NFRKB: variants seen among roughly 807,000 people sequenced by gnomAD.
NFRKB encodes nuclear factor related to kappaB binding protein, also known as nuclear factor related to kappa-B-binding protein.
NFRKB carries 62 observed loss-of-function variants against 135.7 expected under a neutral mutation model. The ratio of observed to expected loss-of-function variants is 0.46; its 90% CI spans 0.37 to 0.56. The LOEUF (loss-of-function observed/expected upper bound fraction) is 0.56, where lower values mean the gene tolerates loss of function less well. Ranked by LOEUF, NFRKB falls within the 20% of genes least tolerant of loss-of-function variation. The probability of loss-of-function intolerance (pLI) is 0.00; values close to 1 mark genes in which losing one functional copy is unlikely to be tolerated. For synonymous variants in NFRKB, 678 were observed against 635.6 expected, an observed-to-expected ratio of 1.07 and a Z score of -1.00; for missense variants, 1,545 against 1,662.0, an observed-to-expected ratio of 0.93 and a Z score of 1.22.
At chr11:129,886,055 C>A (rs1402590240) in intron 5 of NFRKB, among the ~76,000 whole-genome samples, 13 of 152,166 alleles carry the variant, frequency 8.5e-5, no homozygotes, top group Non-Finnish European at 5.9e-5. Context: ...GATCCAAAAT[C>A]CATCTGTTTA....
chr11:129,875,745 C>T (rs1591495722), intron 17 of NFRKB, among the ~76,000 whole-genome samples: 2 of 151,488 alleles, frequency 1.3e-5, no homozygotes, highest in East Asian at 1.9e-4. Flanking sequence ...CAACCTCCAC[C>T]TCCCAGGTTC....
chr11:129,878,601 C>A, intron 13 of NFRKB, 58 bp from the exon 14 acceptor site: 1 of 1,382,098 alleles, frequency 7.2e-7, no homozygotes, highest in South Asian at 1.2e-5. Context: ...ATTGAGAATC[C>A]TGCTTTCTCT....
chr11:129,879,471 G>A (rs371799597), intron 13 of NFRKB, among the ~76,000 whole-genome samples: 7 of 152,094 alleles, frequency 4.6e-5, no homozygotes, highest in Admixed American at 3.9e-4. Flanking sequence ...CGCCTCCACC[G>A]TTCCACTAGA....
rs896709789 is a variant in NFRKB at position 129,864,001 on chromosome 11, T to TG, written c.*723dup. 95 of 151,732 alleles carry TG rather than the reference T, an allele frequency of 6.3e-4. No homozygotes were observed. The highest frequency in any genetic ancestry group is 4.5e-3 in the East Asian group (23 of 5,152). The allele number at this position is 151,732 out of a possible 1,614,324, so 9.4% of individuals were successfully genotyped here. On this transcript the variant is annotated 3_prime_UTR_variant, in exon 27 of 27. Transcript: ENST00000682444. ...GAAGGACAAAGTGGGCAGGTAAAGC[T>TG]GGGGGGGGCGGCCACAATCAAGATC... is the stretch of plus-strand genomic sequence containing the variant.
chr11:129,865,530 C>T (rs1441994248), intron 25 of NFRKB, among the ~76,000 whole-genome samples: 1 of 152,210 alleles, frequency 6.6e-6, no homozygotes, highest in Non-Finnish European at 1.5e-5. Flanking sequence ...AGGTTCAGAG[C>T]TCAAATGTCA....
chr11:129,879,086 T>C (rs1319320527), intron 13 of NFRKB, among the ~76,000 whole-genome samples: 1 of 152,156 alleles, frequency 6.6e-6, no homozygotes, highest in Non-Finnish European at 1.5e-5. Context: ...CTGTGCCCTC[T>C]TCTCAGGTCA....
Position 129,875,523 on chromosome 11 carries a change from T to C in NFRKB, c.1748-60A>G, listed in dbSNP as rs78316279. 11,715 of 1,348,446 alleles carry C rather than the reference T, an allele frequency of 8.7e-3. 764 individuals carry two copies. In the African/African-American group the frequency reaches 0.15, roughly 17 times the overall value. 83.5% of individuals were successfully genotyped at this position (1,348,446 alleles called of 1,614,324 possible). Reference sequence around the variant, plus strand: ...AGGCAGGGTTCCTACGGAGGTACAATCTCCTGTACCTGCAGTGATGGGCAA... The same window carrying C: ...AGGCAGGGTTCCTACGGAGGTACAACCTCCTGTACCTGCAGTGATGGGCAA... On this transcript the variant is annotated intron_variant, in intron 17 of 26. Coordinates refer to ENST00000682444, the MANE Select transcript of NFRKB (RefSeq NM_001143835.2).
chr11:129,866,573 TAAC>T, intron 24 of NFRKB, among the ~76,000 whole-genome samples: 1 of 151,578 alleles, frequency 6.6e-6, no homozygotes, highest in South Asian at 2.1e-4. Context: ...TAGGGGACAC[TAAC>T]AATAAACTCA....
Position 129,869,541 on chromosome 11 carries a change from C to A in NFRKB, c.3484G>T (p.Val1162Leu). 4 of 1,613,666 alleles carry A rather than the reference C, an allele frequency of 2.5e-6. No individual in the cohort carries two copies. Among genetic ancestry groups the A allele is most frequent in the East Asian group, 4.5e-5 (2 of 44,888 alleles). The part of the protein sequence containing the change: ...PISISTGAPT[V>L]RQVPVSTTVV... ...GTGGTGCTGACAGGGACCTGCCGCA[C>A]GGTGGGGGCTCCTGTGCTGATGCTG... Residue 1162 changes from valine to leucine, a missense_variant, in exon 24 of 27, where the codon GTG becomes TTG. Physicochemically the swap from Val to Leu is conservative, Grantham distance 32 (BLOSUM62 1). Around this residue, in one of 3 missense-constraint regions of NFRKB, gnomAD observed 753 missense variants for 804.3 expected, o/e 0.94. Transcript: ENST00000682444.
chr11:129,878,010 T>C (rs144240607), intron 15 of NFRKB, among the ~76,000 whole-genome samples: 1 of 152,148 alleles, frequency 6.6e-6, no homozygotes, highest in Non-Finnish European at 1.5e-5. Context: ...ATGGCCTAGA[T>C]GAATAATTCT....
chr11:129,881,023 C>A (rs1949001709), intron 13 of NFRKB, among the ~76,000 whole-genome samples: 1 of 152,210 alleles, frequency 6.6e-6, no homozygotes, highest in Admixed American at 6.5e-5. Flanking sequence ...TTAAAAATAA[C>A]AACCCTGTTC....
chr11:129,882,307 AAT>A lies in NFRKB; in HGVS notation c.1083-115_1083-114del, dbSNP rs1285039256. ...AAAAGAGTTCAAGAAAGGAGCAAAC[AAT>A]ATATTTTCCCAGCAGTATCCCTGGG... On this transcript the variant is annotated intron_variant, in intron 10 of 26. Transcript: ENST00000682444. The A allele has an allele frequency of 6.7e-6, 9 of 1,341,306 alleles. No individual in the cohort carries two copies. In the East Asian group the frequency reaches 1.8e-4, roughly 27 times the overall value. The allele number at this position is 1,341,306 out of a possible 1,614,324, so 83.1% of individuals were successfully genotyped here. A position where few individuals can be genotyped will look rare whatever the true frequency, so the allele number is the denominator to read the frequency against.
Position 129,885,459 on chromosome 11 carries a change from T to G in NFRKB, c.616A>C (p.Thr206Pro). The change falls in exon 6 of 27, where the codon ACA (threonine) becomes CCA (proline). Residue 206 changes from threonine (T) to proline (P), a missense_variant. By Grantham distance (38) the Thr-to-Pro change is conservative. Transcript: ENST00000682444. ...LREVKEECGD[T>P]ALSSDEEDLS... ...CCCTCTTCATCAGATGACAGGGCTG[T>G]GTCACCACACTCCTCTTTCACTTCC... The G allele has an allele frequency of 1.2e-6, 2 of 1,612,894 alleles. No individual in the cohort carries two copies. Among genetic ancestry groups the G allele is most frequent in the South Asian group, 2.2e-5 (2 of 91,032 alleles).
At chr11:129,894,998 G>A (rs147751557) in intron 1 of NFRKB, among the ~76,000 whole-genome samples, 1 of 152,248 alleles carries the variant, frequency 6.6e-6, no homozygotes, top group East Asian at 1.9e-4. Flanking sequence ...CCACTATTCT[G>A]AACAGAATCT....
At chr11:129,888,966 C>G (rs1288642079) in intron 3 of NFRKB, among the ~76,000 whole-genome samples, 171 bp from the exon 4 acceptor site, 2 of 151,528 alleles carry the variant, frequency 1.3e-5, no homozygotes, top group African/African-American at 4.9e-5. Context: ...ACTATCACTA[C>G]TAATTTTTTA....
intron 17 of NFRKB, among the ~76,000 whole-genome samples, 186 bp from the exon 18 acceptor site, chr11:129,875,649 C>CT (rs1948729299): frequency 7.4e-6 from 1 of 135,064 alleles, no homozygotes; most frequent in Admixed American, 7.5e-5. Flanking sequence ...TCCCTATACA[C>CT]TTCTTTTTTT....
Position 129,869,605 on chromosome 11 carries a change from C to A in NFRKB, c.3420G>T (p.Lys1140Asn). The change falls in exon 24 of 27, where the codon AAG (lysine) becomes AAT (asparagine). Residue 1140 changes from lysine to asparagine, a missense_variant. Physicochemically the swap from Lys to Asn is moderately conservative, Grantham distance 94. This residue lies in a region of NFRKB where 753 missense variants were observed against 804.3 expected (regional missense o/e 0.94). Transcript: ENST00000682444. ...SLPSMNAAVS[K>N]TVAVASGAAS... is the part of the protein sequence containing the mutation. ...CAGCCCCAGAAGCCACAGCTACAGT[C>A]TTGGACACAGCAGCATTCATACTGG... The A allele has an allele frequency of 1.2e-6, 2 of 1,614,184 alleles. No homozygotes were observed. Among genetic ancestry groups the A allele is most frequent in the Non-Finnish European group, 8.5e-7 (1 of 1,180,038 alleles).
rs113930739 is a variant in NFRKB, at chr11:129,872,478, C to T, written c.2763+406G>A. On this transcript the variant is annotated intron_variant, in intron 23 of 26. Coordinates refer to ENST00000682444, the MANE Select transcript of NFRKB (RefSeq NM_001143835.2). The stretch of plus-strand genomic sequence containing the variant: ...GAGGCACTCCTATCAGTATTAGTTG[C>T]TATACTGCTTACGATTCTTTGAAGT... The T allele has an allele frequency of 1.5e-3, 251 of 167,822 alleles. 1 individual carries two copies. Among genetic ancestry groups the T allele is most frequent in the African/African-American group, 5.8e-3 (243 of 41,956 alleles). The allele number at this position is 167,822 out of a possible 1,614,324, so 10.4% of individuals were successfully genotyped here.
At chr11:129,883,580 T>C (rs1949130607) in intron 8 of NFRKB, among the ~76,000 whole-genome samples, 2 of 152,218 alleles carry the variant, frequency 1.3e-5, no homozygotes, top group African/African-American at 4.8e-5. Context: ...TACTGACTTC[T>C]GATGTGGGGT....
Sources: allele counts gnomAD v4.1 joint callset (sites outside exome capture counted in the v4.1 genomes callset), GRCh38; gene constraint gnomAD v4.1.1; regional missense constraint gnomAD v4.1.1; transcripts MANE v1.5; gene names NCBI Gene and HGNC (gene_info 2026-07-23, HGNC 2026-07-21).